The following SLN variants were observed in gnomAD, a reference collection of about 807,000 sequenced individuals.
SLN encodes sarcolipin.
For missense variants in SLN, 34 were observed against 37.4 expected, an observed-to-expected ratio of 0.91 and a Z score of 0.24; for synonymous variants, 19 against 14.4, an observed-to-expected ratio of 1.32 and a Z score of -0.72.
At chr11:107,708,916 T>C (rs995292614) in intron 1 of SLN, among the ~76,000 whole-genome samples, 1 of 152,224 alleles carries the variant, frequency 6.6e-6, no homozygotes, top group African/African-American at 2.4e-5. Context: ...CAGAAAGTAC[T>C]TTCAACAGCT....
chr11:107,710,227 T>C (rs1220662468), intron 1 of SLN, among the ~76,000 whole-genome samples: 1 of 152,224 alleles, frequency 6.6e-6, no homozygotes, highest in African/African-American at 2.4e-5. Context: ...AATGCAGAGA[T>C]AAGCAGAAAA....
intron 1 of SLN, among the ~76,000 whole-genome samples, chr11:107,711,096 C>T (rs1289239997): frequency 6.6e-6 from 1 of 152,126 alleles, no homozygotes; most frequent in Admixed American, 6.6e-5. Flanking sequence ...AAGAGGATCC[C>T]AACATCTTGG....
chr11:107,711,094 C>T (rs1014263318), intron 1 of SLN, among the ~76,000 whole-genome samples: 4 of 152,104 alleles, frequency 2.6e-5, no homozygotes, highest in African/African-American at 9.7e-5. Flanking sequence ...ACAAGAGGAT[C>T]CCAACATCTT....
At chr11:107,711,503 G>A (rs1404289023) in intron 1 of SLN, among the ~76,000 whole-genome samples, 1 of 152,150 alleles carries the variant, frequency 6.6e-6, no homozygotes, top group African/African-American at 2.4e-5. Context: ...GAACCAGTTA[G>A]GCAGAAATTC....
intron 1 of SLN, among the ~76,000 whole-genome samples, chr11:107,709,860 C>G (rs1473771613): frequency 1.3e-5 from 2 of 151,408 alleles, no homozygotes; most frequent in Non-Finnish European, 2.9e-5. Flanking sequence ...GCTCATGCCT[C>G]TAATCCCAGC....
rs1867171683 is a variant in SLN at position 107,707,876 on chromosome 11, C to T, written c.55G>A (p.Val19Ile). 2 of 1,613,868 alleles carry T rather than the reference C, an allele frequency of 1.2e-6. No individual in the cohort carries two copies. Among genetic ancestry groups the T allele is most frequent in the Non-Finnish European group, 1.7e-6 (2 of 1,179,980 alleles). ...FLNFTIVLIT[V>I]ILMWLLVRSY... is the part of the protein sequence containing the mutation. ...CTCACAAGGAGCCACATAAGAATAA[C>T]CGTAATCAAGACAATAGTGAAGTTG... is the stretch of plus-strand genomic sequence containing the variant. The change falls in exon 2 of 2, where the codon GTT (valine) becomes ATT (isoleucine). Residue 19 changes from valine (V) to isoleucine (I), a missense_variant. Transcript: ENST00000305991.
intron 1 of SLN, among the ~76,000 whole-genome samples, chr11:107,711,650 G>A (rs1416478225): frequency 6.6e-6 from 1 of 152,130 alleles, no homozygotes; most frequent in Non-Finnish European, 1.5e-5. Flanking sequence ...AAAAAGCTCT[G>A]AATAAATTGT....
intron 1 of SLN, among the ~76,000 whole-genome samples, chr11:107,708,432 A>C (rs963779533): frequency 6.6e-6 from 1 of 152,088 alleles, no homozygotes; most frequent in Non-Finnish European, 1.5e-5. Context: ...TTTGGACTGG[A>C]GACTTCCCTA....
chr11:107,711,563 G>C (rs1449336982), intron 1 of SLN, among the ~76,000 whole-genome samples: 2 of 152,044 alleles, frequency 1.3e-5, no homozygotes, highest in East Asian at 1.9e-4. Context: ...AGACACTTTG[G>C]GTTTCATTTT....
chr11:107,710,398 C>T lies in SLN; in HGVS notation c.-76+1565G>A, dbSNP rs1867199633. Among the ~76,000 whole-genome samples the T allele has an allele frequency of 2.0e-5, 3 of 152,320 alleles. No homozygotes were observed. The South Asian group carries it at 6.2e-4, about 32-fold the overall frequency. ...GAGAAAAATACTATTGAAAGCTGTT[C>T]CACAGCTCTGTTTGTGTTACCTTCG... On this transcript the variant is annotated intron_variant, in intron 1 of 1. Transcript: ENST00000305991.
At position 107,707,795 on chromosome 11, in the gene SLN, C is replaced by T. The variant is rs750862522; in HGVS notation, c.*40G>A. The T allele has an allele frequency of 3.6e-5, 54 of 1,479,984 alleles. No individual in the cohort carries two copies. Among genetic ancestry groups the T allele is most frequent in the Middle Eastern group, 2.0e-4 (1 of 5,022 alleles). The allele number at this position is 1,479,984 out of a possible 1,614,324, so 91.7% of individuals were successfully genotyped here. A position where few individuals can be genotyped will look rare whatever the true frequency, so the allele number is the denominator to read the frequency against. On this transcript the variant is annotated 3_prime_UTR_variant, in exon 2 of 2. Transcript: ENST00000305991. ...TCTCAGGGCATAGAGCAGGCAGCTC[C>T]GGAGCATCTCAGTCAATCCCAGGAC...
rs868456277 is a variant in SLN, at chr11:107,707,912, C to G, written c.19G>C (p.Glu7Gln). Residue 7 changes from glutamate to glutamine, a missense_variant, in exon 2 of 2, where the codon GAG (glutamate) becomes CAG (glutamine). Physicochemically the swap from Glu to Gln is conservative, Grantham distance 29. Coordinates refer to ENST00000305991, the MANE Select transcript of SLN (RefSeq NM_003063.3). ...ACAATAGTGAAGTTGAGAAACAGCTCCCGGGTGTTTATCCCCATTTTCACA... is the reference window on the plus strand; with the variant it reads ...ACAATAGTGAAGTTGAGAAACAGCTGCCGGGTGTTTATCCCCATTTTCACA... The part of the protein sequence containing the change: MGINTR[E>Q]LFLNFTIVLI... 3 of 1,613,746 alleles carry G rather than the reference C, an allele frequency of 1.9e-6. No homozygotes were observed. Among genetic ancestry groups the G allele is most frequent in the Non-Finnish European group, 2.5e-6 (3 of 1,179,836 alleles).
rs377489410 is a variant in SLN, at chr11:107,707,796, G to A, written c.*39C>T. 3.1e-5 allele frequency: 46 copies of A among 1,482,542 alleles called. No homozygotes were observed. The highest frequency in any genetic ancestry group is 2.0e-4 in the Middle Eastern group (1 of 5,038). 91.8% of individuals were successfully genotyped at this position (1,482,542 alleles called of 1,614,324 possible). On this transcript the variant is annotated 3_prime_UTR_variant, in exon 2 of 2. Coordinates refer to ENST00000305991, the MANE Select transcript of SLN (RefSeq NM_003063.3). ...CTCAGGGCATAGAGCAGGCAGCTCCGGAGCATCTCAGTCAATCCCAGGACC... is the reference window on the plus strand; with the variant it reads ...CTCAGGGCATAGAGCAGGCAGCTCCAGAGCATCTCAGTCAATCCCAGGACC...
At chr11:107,708,665 G>T (rs186317671) in intron 1 of SLN, among the ~76,000 whole-genome samples, 2 of 152,060 alleles carry the variant, frequency 1.3e-5, no homozygotes, top group African/African-American at 2.4e-5. Flanking sequence ...TGTGATGATC[G>T]TATTGGTGCT....
intron 1 of SLN, among the ~76,000 whole-genome samples, chr11:107,711,354 T>C (rs1867207977): frequency 6.6e-6 from 1 of 152,240 alleles, no homozygotes; most frequent in Non-Finnish European, 1.5e-5. Context: ...ATTTGTTGTT[T>C]TATGTGATTT....
intron 1 of SLN, among the ~76,000 whole-genome samples, chr11:107,710,838 C>T (rs1867203722): frequency 6.6e-6 from 1 of 152,154 alleles, no homozygotes; most frequent in Admixed American, 6.5e-5. Flanking sequence ...AAATGTTTAT[C>T]AACAGCAGAA....
At chr11:107,710,528 T>A (rs1867200932) in intron 1 of SLN, among the ~76,000 whole-genome samples, 2 of 152,194 alleles carry the variant, frequency 1.3e-5, no homozygotes, top group Admixed American at 1.3e-4. Context: ...TAATGACAGA[T>A]AACAAGTTAG....
At chr11:107,710,088 C>T (rs539442510) in intron 1 of SLN, among the ~76,000 whole-genome samples, 56 of 152,250 alleles carry the variant, frequency 3.7e-4, no homozygotes, top group Non-Finnish European at 5.7e-4. Flanking sequence ...GAGAACAGAA[C>T]GGTAATGAGT....
chr11:107,710,638 A>G (rs1197785760), intron 1 of SLN, among the ~76,000 whole-genome samples: 1 of 152,240 alleles, frequency 6.6e-6, no homozygotes, highest in Non-Finnish European at 1.5e-5. Context: ...TGGCTAAACA[A>G]AGTTAGCATA....
Sources: allele counts gnomAD v4.1 joint callset (sites outside exome capture counted in the v4.1 genomes callset), GRCh38; gene constraint gnomAD v4.1.1; transcripts MANE v1.5; gene names NCBI Gene and HGNC (gene_info 2026-07-23, HGNC 2026-07-21).